FSTL5: variants seen among roughly 807,000 people sequenced by gnomAD.
The protein encoded by FSTL5 is follistatin-related protein 5.
In FSTL5, 62 loss-of-function variants were observed where a neutral mutation model predicts 89.1. The ratio of observed to expected loss-of-function variants is 0.70; its 90% confidence interval spans 0.57 to 0.86. FSTL5 has a LOEUF of 0.86. FSTL5 is among the 40% of genes least tolerant of loss of function. The pLI, the probability that FSTL5 is intolerant of heterozygous loss-of-function variation, is 0.00. For synonymous variants in FSTL5, 383 were observed against 346.2 expected, an observed-to-expected ratio of 1.11 and a Z score of -1.18; for missense variants, 1,057 against 1,001.6, an observed-to-expected ratio of 1.06 and a Z score of -0.75.
chr4:161,519,418 C>CG (rs1423456696), intron 10 of FSTL5, among the ~76,000 whole-genome samples: 1 of 151,882 alleles, frequency 6.6e-6, no homozygotes, highest in Non-Finnish European at 1.5e-5. Context: ...CCCCGCTACT[C>CG]GGGGGGCTGA....
intron 13 of FSTL5, among the ~76,000 whole-genome samples, chr4:161,474,739 G>A (rs528708542): frequency 4.5e-4 from 69 of 152,104 alleles, no homozygotes; most frequent in African/African-American, 1.6e-3. Context: ...TAGAGATGGG[G>A]TTCCACCATG....
chr4:161,694,292 A>C (rs894596996), intron 6 of FSTL5, among the ~76,000 whole-genome samples: 6 of 151,998 alleles, frequency 3.9e-5, no homozygotes, highest in Non-Finnish European at 1.5e-5. Flanking sequence ...AATTCCTATA[A>C]ATCTTACTTT....
Position 162,163,986 on chromosome 4 carries a change from T to G in FSTL5, c.-388A>C, listed in dbSNP as rs1040636089. On this transcript the variant is annotated 5_prime_UTR_variant, in exon 1 of 16. Transcript: ENST00000306100. ...CAGTACCAGCTCCTTTCACCTCCAG[T>G]TTGTCTCAGTCACTGAACCAGGCTG... is the stretch of plus-strand genomic sequence containing the variant. The G allele has an allele frequency of 3.3e-5, 5 of 152,320 alleles. No homozygotes were observed. The highest frequency in any genetic ancestry group is 1.2e-4 in the African/African-American group (5 of 41,418). The allele number at this position is 152,320 out of a possible 1,614,324, so 9.4% of individuals were successfully genotyped here.
intron 1 of FSTL5, among the ~76,000 whole-genome samples, chr4:162,148,920 A>G (rs1733115725): frequency 6.6e-6 from 1 of 152,176 alleles, no homozygotes; most frequent in Non-Finnish European, 1.5e-5. Context: ...GGCACCCTGA[A>G]AGGACTATAT....
intron 13 of FSTL5, among the ~76,000 whole-genome samples, chr4:161,476,407 G>A (rs10007180): frequency 9.2e-4 from 140 of 151,938 alleles, no homozygotes; most frequent in African/African-American, 3.4e-3. Flanking sequence ...GGTTGGTCTC[G>A]AACTCCTGAC....
At chr4:161,486,143 CAAAAAAAA>C (rs1278214856) in intron 12 of FSTL5, among the ~76,000 whole-genome samples, 1 of 76,166 alleles carries the variant, frequency 1.3e-5, no homozygotes, top group Non-Finnish European at 2.7e-5. Flanking sequence ...GACTCCGTCT[CAAAAAAAA>C]AAAAAAAAAA....
At chr4:161,564,588 T>G (rs1443328128) in intron 8 of FSTL5, among the ~76,000 whole-genome samples, 1 of 151,638 alleles carries the variant, frequency 6.6e-6, no homozygotes, top group Admixed American at 6.6e-5. Context: ...CTTGACATAG[T>G]AATGTATCAC....
intron 6 of FSTL5, among the ~76,000 whole-genome samples, chr4:161,731,538 A>G (rs1739611686): frequency 1.3e-5 from 2 of 151,714 alleles, no homozygotes; most frequent in Non-Finnish European, 2.9e-5. Flanking sequence ...CTTCACCTTT[A>G]CTATGATTGT....
chr4:161,638,550 G>A (rs1578986482), intron 7 of FSTL5, among the ~76,000 whole-genome samples: 1 of 151,620 alleles, frequency 6.6e-6, no homozygotes, highest in East Asian at 2.0e-4. Flanking sequence ...TGGATTCACA[G>A]CTGAATTCTA....
chr4:161,647,102 T>TA (rs1229413346), intron 7 of FSTL5, among the ~76,000 whole-genome samples: 2 of 152,202 alleles, frequency 1.3e-5, no homozygotes, highest in Non-Finnish European at 2.9e-5. Context: ...GCTTTTCCCT[T>TA]ATGTTTTCAT....
chr4:161,622,376 T>A (rs770216258), intron 7 of FSTL5, among the ~76,000 whole-genome samples: 1 of 152,100 alleles, frequency 6.6e-6, no homozygotes, highest in East Asian at 1.9e-4. Context: ...TCTGAACATA[T>A]GTTATGAAGT....
chr4:161,510,388 A>C lies in FSTL5; in HGVS notation c.1339+10T>G. 1.3e-6 allele frequency: 2 copies of C among 1,518,128 alleles called. No individual in the cohort carries two copies. The highest frequency in any genetic ancestry group is 4.8e-5 in the East Asian group (2 of 41,866). The allele number at this position is 1,518,128 out of a possible 1,614,324, so 94.0% of individuals were successfully genotyped here. On this transcript the variant is annotated intron_variant, in intron 11 of 15. Transcript: ENST00000306100. ...AATTGTCACAACATAAAAATAATTC[A>C]ACTTAGTACCTTCTTCTCTCCATAA...
intron 1 of FSTL5, among the ~76,000 whole-genome samples, chr4:162,153,184 T>A (rs550966236): frequency 2.4e-4 from 36 of 152,234 alleles, no homozygotes; most frequent in Non-Finnish European, 3.7e-4. Context: ...AACTCTTTGT[T>A]AAAGTCCCTG....
At chr4:161,395,904 A>G (rs192773992) in intron 15 of FSTL5, among the ~76,000 whole-genome samples, 17 of 152,258 alleles carry the variant, frequency 1.1e-4, no homozygotes, top group Non-Finnish European at 2.2e-4. Flanking sequence ...CTTAAATACT[A>G]GATTGTTATA....
intron 4 of FSTL5, among the ~76,000 whole-genome samples, chr4:161,830,871 A>G (rs907381852): frequency 6.6e-6 from 1 of 152,114 alleles, no homozygotes; most frequent in African/African-American, 2.4e-5. Flanking sequence ...AGGTGTTAGA[A>G]TTAGAACGTA....
At chr4:161,976,080 T>C (rs2111030490) in intron 3 of FSTL5, among the ~76,000 whole-genome samples, 1 of 134,722 alleles carries the variant, frequency 7.4e-6, no homozygotes, top group African/African-American at 2.9e-5. Context: ...ATCGCGTCAC[T>C]GCACTCCAGC....
intron 15 of FSTL5, among the ~76,000 whole-genome samples, chr4:161,396,515 G>C (rs373710273): frequency 6.6e-6 from 1 of 150,476 alleles, no homozygotes; most frequent in East Asian, 1.9e-4. Context: ...TTAGCTAGAC[G>C]TGGTGGCATG....
chr4:161,751,050 T>C (rs1187269629), intron 6 of FSTL5, among the ~76,000 whole-genome samples: 1 of 152,148 alleles, frequency 6.6e-6, no homozygotes, highest in African/African-American at 2.4e-5. Context: ...AATCATTATG[T>C]TAGCAAGCAA....
At chr4:161,537,088 G>A (rs1578907895) in intron 10 of FSTL5, among the ~76,000 whole-genome samples, 3 of 152,124 alleles carry the variant, frequency 2.0e-5, no homozygotes, top group African/African-American at 7.2e-5. Flanking sequence ...ACAAAATGAA[G>A]ATAATGATAT....
Sources: gnomAD v4.1 joint callset for allele counts (sites outside exome capture counted in the v4.1 genomes callset) on GRCh38, gnomAD v4.1.1 for gene constraint, MANE v1.5 for transcripts, NCBI Gene and HGNC (gene_info 2026-07-23, HGNC 2026-07-21) for gene names.